SYT9: variants seen among roughly 807,000 people sequenced by gnomAD.
SYT9 encodes synaptotagmin 9, also known as synaptotagmin-9.
Under a neutral mutation model 48.4 loss-of-function variants are expected in SYT9, and 22 were observed. The ratio of observed to expected loss-of-function variants is 0.45; its 90% CI spans 0.32 to 0.65. The LOEUF (loss-of-function observed/expected upper bound fraction) is 0.65. Among genes scored for constraint, SYT9 ranks in the 30% least tolerant of loss-of-function variants. The pLI, the probability that SYT9 is intolerant of heterozygous loss-of-function variation, is 0.03. For missense variants in SYT9, 577 were observed against 622.0 expected (o/e 0.93, Z 0.77); for synonymous variants, 265 against 245.0 (o/e 1.08, Z -0.76).
At chr11:7,253,502 A>T (rs1448226436) in intron 1 of SYT9, among the ~76,000 whole-genome samples, 1 of 152,240 alleles carries the variant, frequency 6.6e-6, no homozygotes, top group Non-Finnish European at 1.5e-5. Context: ...TATCCTTGAT[A>T]TATTCAAGAT....
chr11:7,456,541 G>A (rs1848152815), intron 6 of SYT9, among the ~76,000 whole-genome samples: 1 of 152,080 alleles, frequency 6.6e-6, no homozygotes, highest in South Asian at 2.1e-4. Context: ...CTCCATAAGT[G>A]GTAATGGTGA....
chr11:7,395,261 C>A (rs1234491232), intron 3 of SYT9, among the ~76,000 whole-genome samples: 1 of 151,644 alleles, frequency 6.6e-6, no homozygotes, highest in African/African-American at 2.4e-5. Context: ...GCCTTATGGC[C>A]AAACATGTGG....
intron 2 of SYT9, among the ~76,000 whole-genome samples, chr11:7,306,449 C>T (rs1849032070): frequency 6.6e-6 from 1 of 152,206 alleles, no homozygotes; most frequent in African/African-American, 2.4e-5. Flanking sequence ...ACAGCCTCAC[C>T]TTATGGCCAA....
At chr11:7,439,965 G>A (rs1303662256) in intron 6 of SYT9, 1 of 152,196 alleles carries the variant, frequency 6.6e-6, no homozygotes, top group East Asian at 1.9e-4. Context: ...AAATGTCAGG[G>A]AAATGAGGCA....
At chr11:7,313,318 A>G in intron 2 of SYT9, 77 bp from the exon 3 acceptor site, 1 of 1,449,274 alleles carries the variant, frequency 6.9e-7, no homozygotes, top group South Asian at 1.4e-5. Flanking sequence ...CAGTCTACCT[A>G]CATCCCAGGC....
intron 3 of SYT9, among the ~76,000 whole-genome samples, chr11:7,366,916 A>G (rs1446165798): frequency 1.3e-5 from 2 of 151,842 alleles, no homozygotes; most frequent in Admixed American, 1.3e-4. Context: ...GCTTTAATAT[A>G]TTATAAATTT....
chr11:7,458,537 G>T (rs1238170843), intron 6 of SYT9, among the ~76,000 whole-genome samples: 1 of 152,192 alleles, frequency 6.6e-6, no homozygotes, highest in Admixed American at 6.5e-5. Context: ...GATCAGAAGT[G>T]TGACATAGAT....
At chr11:7,339,836 G>A (rs769334762) in intron 3 of SYT9, among the ~76,000 whole-genome samples, 2 of 152,098 alleles carry the variant, frequency 1.3e-5, no homozygotes, top group East Asian at 1.9e-4. Flanking sequence ...ATGCATCTTG[G>A]AGATGATCTT....
At chr11:7,434,083 T>C (rs1233728000) in intron 6 of SYT9, among the ~76,000 whole-genome samples, 4 of 152,198 alleles carry the variant, frequency 2.6e-5, no homozygotes, top group African/African-American at 9.7e-5. Context: ...ATTCTGTCCC[T>C]AGTTCCTGCT....
intron 6 of SYT9, among the ~76,000 whole-genome samples, chr11:7,464,730 C>A (rs1221874755): frequency 6.6e-6 from 1 of 152,088 alleles, no homozygotes; most frequent in Admixed American, 6.5e-5. Flanking sequence ...GTATGGGTTT[C>A]ACAGTTGAAA....
At chr11:7,370,305 G>A (rs772978902) in intron 3 of SYT9, among the ~76,000 whole-genome samples, 21 of 152,044 alleles carry the variant, frequency 1.4e-4, no homozygotes, top group Non-Finnish European at 2.9e-4. Flanking sequence ...CAGTATTTTC[G>A]TCTTCATCTG....
intron 3 of SYT9, among the ~76,000 whole-genome samples, chr11:7,392,097 G>C (rs944056997): frequency 3.3e-5 from 5 of 151,898 alleles, no homozygotes; most frequent in African/African-American, 1.2e-4. Context: ...CTGTACAGAA[G>C]CTGTTTATTT....
chr11:7,317,259 T>C (rs978283207), intron 3 of SYT9, among the ~76,000 whole-genome samples: 3 of 152,220 alleles, frequency 2.0e-5, no homozygotes, highest in Admixed American at 6.5e-5. Flanking sequence ...TTTTAATCCA[T>C]CTAGAATGGA....
At chr11:7,454,288 T>C in intron 6 of SYT9, 1 of 985,346 alleles carries the variant, frequency 1.0e-6, no homozygotes, top group Non-Finnish European at 1.2e-6. Context: ...TGAGGAATGG[T>C]CTTTTTTGCA....
At chr11:7,362,949 C>CTTTTTTTTT (rs35065184) in intron 3 of SYT9, among the ~76,000 whole-genome samples, 1 of 17,922 alleles carries the variant, frequency 5.6e-5, no homozygotes, top group African/African-American at 1.8e-4. Flanking sequence ...ATTTATTGGC[C>CTTTTTTTTT]TTTTTTTTTT....
chr11:7,290,375 G>C (rs78669577), intron 1 of SYT9, among the ~76,000 whole-genome samples: 3,034 of 152,234 alleles, frequency 0.02, 81 homozygotes, highest in African/African-American at 0.068. Context: ...ATAATACCTC[G>C]ATGAGCAGCA....
At chr11:7,367,914 A>G (rs1850283001) in intron 3 of SYT9, among the ~76,000 whole-genome samples, 1 of 152,216 alleles carries the variant, frequency 6.6e-6, no homozygotes, top group Non-Finnish European at 1.5e-5. Context: ...AGGCCCTTCT[A>G]AGAGCCTTGT....
intron 3 of SYT9, among the ~76,000 whole-genome samples, chr11:7,323,809 C>G (rs75155744): frequency 0.025 from 3,709 of 151,372 alleles, 152 homozygotes; most frequent in African/African-American, 0.083. Flanking sequence ...TGTGTGTATG[C>G]GTGTGTGTGT....
At chr11:7,351,806 G>A (rs1481627682) in intron 3 of SYT9, among the ~76,000 whole-genome samples, 1 of 152,162 alleles carries the variant, frequency 6.6e-6, no homozygotes, top group African/African-American at 2.4e-5. Flanking sequence ...GACATCACCA[G>A]GAGTGTGACA....
Sources: gnomAD v4.1 joint callset for allele counts (sites outside exome capture counted in the v4.1 genomes callset) on GRCh38, gnomAD v4.1.1 for gene constraint, MANE v1.5 for transcripts, NCBI Gene and HGNC (gene_info 2026-07-23, HGNC 2026-07-21) for gene names.